The following CAST variants were observed in gnomAD, a reference collection of about 807,000 sequenced individuals.
CAST encodes the protein calpastatin, also known as MIR583 host.
Under a neutral mutation model 119.6 loss-of-function variants are expected in CAST, and 76 were observed. That is an observed-to-expected ratio of 0.64 (90% CI 0.53 to 0.77). The LOEUF (loss-of-function observed/expected upper bound fraction) is 0.77, where lower values mean the gene tolerates loss of function less well. Ranked by LOEUF, CAST falls within the 30% of genes least tolerant of loss-of-function variation. The probability of loss-of-function intolerance (pLI) is 0.00; values close to 1 mark genes in which losing one functional copy is unlikely to be tolerated. For missense variants in CAST, 953 were observed against 946.5 expected (o/e 1.01, Z -0.09); for synonymous variants, 319 against 331.6 (o/e 0.96, Z 0.41).
chr5:96,170,875 G>T, the CAST span, among the ~76,000 whole-genome samples: 1 of 152,172 alleles, frequency 6.6e-6, no homozygotes. Context: ...AGCCAGACTG[G>T]GTGTGAGGAG....
chr5:96,689,396 T>C (rs1019672327), intron 2 of CAST, among the ~76,000 whole-genome samples: 23 of 152,232 alleles, frequency 1.5e-4, no homozygotes, highest in African/African-American at 5.5e-4. Flanking sequence ...TTTTAAACTG[T>C]AGGTATTTCT....
the CAST span, among the ~76,000 whole-genome samples, chr5:96,063,645 A>G: frequency 2.0e-5 from 3 of 152,246 alleles, no homozygotes; most frequent in African/African-American, 7.2e-5. Context: ...CAGACACACA[A>G]TGGTACTTCA....
At position 96,662,848 on chromosome 5, in the gene CAST, G is replaced by C. The variant is rs570429248; in HGVS notation, c.75+351G>C. ...GAGTGGGGTGGTTTCACTGGACAGC[G>C]GGATGTAGTCTTCCGCGCTAAGGCC... On this transcript the variant is annotated intron_variant, in intron 1 of 31. Coordinates refer to ENST00000675179, the MANE Select transcript of CAST (RefSeq NM_001750.7). Among the ~76,000 whole-genome samples, 48 of 152,340 alleles carry C rather than the reference G, an allele frequency of 3.2e-4. 1 individual carries two copies. In the South Asian group the frequency reaches 8.9e-3, roughly 28 times the overall value.
At chr5:96,619,924 A>T (rs1179784551) in intron 1 of CAST, among the ~76,000 whole-genome samples, 1 of 152,214 alleles carries the variant, frequency 6.6e-6, no homozygotes, top group South Asian at 2.1e-4. Flanking sequence ...TAACCATGTG[A>T]CGTTGGGCAA....
the CAST span, among the ~76,000 whole-genome samples, chr5:96,221,894 T>G: frequency 6.6e-6 from 1 of 152,094 alleles, no homozygotes; most frequent in Non-Finnish European, 1.5e-5. Flanking sequence ...AGCATCGTAT[T>G]GGTATAAAAA....
intron 1 of CAST, among the ~76,000 whole-genome samples, chr5:96,612,733 T>C (rs1000101101): frequency 1.3e-5 from 2 of 152,246 alleles, no homozygotes; most frequent in African/African-American, 2.4e-5. Flanking sequence ...ACTGAGATTA[T>C]GCAAAAATTC....
At chr5:96,619,579 C>G (rs1002900960) in intron 1 of CAST, among the ~76,000 whole-genome samples, 7 of 152,210 alleles carry the variant, frequency 4.6e-5, no homozygotes, top group African/African-American at 1.7e-4. Context: ...CTTGCTGTTC[C>G]TCACTGTTTG....
the CAST span, among the ~76,000 whole-genome samples, chr5:96,037,392 C>A: frequency 6.6e-6 from 1 of 152,164 alleles, no homozygotes; most frequent in Non-Finnish European, 1.5e-5. Flanking sequence ...ACAAATATTA[C>A]TGGTATTGAA....
the CAST span, among the ~76,000 whole-genome samples, chr5:96,035,080 T>C: frequency 1.4e-5 from 2 of 140,782 alleles, no homozygotes; most frequent in Non-Finnish European, 3.1e-5. Context: ...TATATATATA[T>C]ATATATATTT....
At chr5:96,328,156 G>T in the CAST span, among the ~76,000 whole-genome samples, 3 of 152,130 alleles carry the variant, frequency 2.0e-5, no homozygotes, top group African/African-American at 7.2e-5. Context: ...AAAGATCCCA[G>T]GTACTATTTC....
chr5:96,663,140 G>C lies in CAST; in HGVS notation c.75+643G>C, dbSNP rs773072679. 3.7e-5 allele frequency: 26 copies of C among 702,506 alleles called. No homozygotes were observed. In the East Asian group the frequency reaches 5.4e-4, roughly 14 times the overall value. The allele number at this position is 702,506 out of a possible 1,614,324, so 43.5% of individuals were successfully genotyped here. A position where few individuals can be genotyped will look rare whatever the true frequency, so the allele number is the denominator to read the frequency against. Reference sequence around the variant, plus strand: ...TCGGAGCCAGCCGGTTGTTGCCATGGCATTCGCCAGCTGGTGGTACAAGAC... The same window carrying C: ...TCGGAGCCAGCCGGTTGTTGCCATGCCATTCGCCAGCTGGTGGTACAAGAC... On this transcript the variant is annotated intron_variant, in intron 1 of 31. Transcript: ENST00000675179.
chr5:96,467,913 T>C, the CAST span, among the ~76,000 whole-genome samples: 1 of 152,066 alleles, frequency 6.6e-6, no homozygotes, highest in African/African-American at 2.4e-5. Flanking sequence ...AAAGTCATTC[T>C]ATTAAAAAGG....
chr5:96,295,858 C>T, the CAST span, among the ~76,000 whole-genome samples: 2 of 152,090 alleles, frequency 1.3e-5, no homozygotes, highest in African/African-American at 4.8e-5. Flanking sequence ...ATTTTGTGTA[C>T]AAAGGGCATC....
intron 1 of CAST, among the ~76,000 whole-genome samples, chr5:96,558,579 C>G (rs1184507807): frequency 6.6e-6 from 1 of 152,180 alleles, no homozygotes; most frequent in Non-Finnish European, 1.5e-5. Context: ...ACTATAAACA[C>G]CTCTACACAA....
chr5:96,027,724 C>G, the CAST span, among the ~76,000 whole-genome samples: 2 of 152,078 alleles, frequency 1.3e-5, no homozygotes, highest in Admixed American at 1.3e-4. Context: ...TTATTCTCAT[C>G]AAATCTACAA....
upstream of CAST, among the ~76,000 whole-genome samples, chr5:96,660,661 T>C (rs1748300226): frequency 6.6e-6 from 1 of 152,112 alleles, no homozygotes; most frequent in African/African-American, 2.4e-5. Context: ...TCATTCTAGT[T>C]CCTGGGGTGG....
At chr5:96,393,778 G>T in the CAST span, among the ~76,000 whole-genome samples, 1 of 152,204 alleles carries the variant, frequency 6.6e-6, no homozygotes, top group Non-Finnish European at 1.5e-5. Context: ...GGCACCCACT[G>T]GTTGCGGTAG....
At chr5:96,579,079 A>G (rs2150188795) in intron 1 of CAST, among the ~76,000 whole-genome samples, 1 of 152,320 alleles carries the variant, frequency 6.6e-6, no homozygotes, top group Admixed American at 6.5e-5. Context: ...TCTCAGGGAC[A>G]AAGAGGCTTT....
the CAST span, among the ~76,000 whole-genome samples, chr5:96,203,848 G>A: frequency 3.6e-3 from 540 of 152,068 alleles, 2 homozygotes; most frequent in African/African-American, 0.013. Flanking sequence ...CCAAAGATGT[G>A]CAATATGGAC....
Sources: gnomAD v4.1 joint callset for allele counts (sites outside exome capture counted in the v4.1 genomes callset) on GRCh38, gnomAD v4.1.1 for gene constraint, MANE v1.5 for transcripts, NCBI Gene and HGNC (gene_info 2026-07-23, HGNC 2026-07-21) for gene names.